The following HPSE2 variants were observed in gnomAD, a reference collection of about 807,000 sequenced individuals.
HPSE2 encodes heparanase 2 (inactive).
HPSE2 carries 38 observed loss-of-function variants against 60.5 expected under a neutral mutation model. The observed-to-expected ratio is 0.63, with a 90% confidence interval of 0.48 to 0.82. The LOEUF is 0.82. Among genes scored for constraint, HPSE2 ranks in the 40% least tolerant of loss-of-function variants. The pLI is 0.00. For missense variants in HPSE2, 713 were observed against 740.4 expected, an observed-to-expected ratio of 0.96 and a Z score of 0.43; for synonymous variants, 295 against 293.2, an observed-to-expected ratio of 1.01 and a Z score of -0.06.
intron 3 of HPSE2, among the ~76,000 whole-genome samples, chr10:99,006,412 C>T (rs978189282): frequency 6.6e-6 from 1 of 152,136 alleles, no homozygotes; most frequent in African/African-American, 2.4e-5. Flanking sequence ...AGCCTATATC[C>T]ACAGGATCTT....
intron 5 of HPSE2, among the ~76,000 whole-genome samples, chr10:98,714,923 CCTAACAA>C (rs1296136519): frequency 6.6e-6 from 1 of 151,670 alleles, no homozygotes; most frequent in Non-Finnish European, 1.5e-5. Flanking sequence ...TTAGCATTTC[CCTAACAA>C]CTAACAATGT....
chr10:98,481,608 G>A (rs574819035), intron 11 of HPSE2, among the ~76,000 whole-genome samples: 27 of 152,268 alleles, frequency 1.8e-4, no homozygotes, highest in African/African-American at 1.2e-4. Context: ...AAGATCTAGC[G>A]TGGGCTAAAT....
At position 98,946,091 on chromosome 10, in the gene HPSE2, A is replaced by C. The variant is rs551734526; in HGVS notation, c.610+198147T>G. On this transcript the variant is annotated intron_variant, in intron 3 of 11. Coordinates refer to ENST00000370552, the MANE Select transcript of HPSE2 (RefSeq NM_021828.5). ...AGGAAAAGGTTGTGATGAGCACATA[A>C]AATATGTATAACTATAGTCTACTTT... 2.6e-5 allele frequency among the ~76,000 whole-genome samples: 4 copies of C among 152,296 alleles called. No homozygotes were observed. In the East Asian group the frequency reaches 7.7e-4, roughly 29 times the overall value.
At position 99,232,511 on chromosome 10, in the gene HPSE2, G is replaced by C; in HGVS notation, c.291-6C>G. The C allele has an allele frequency of 1.3e-6, 2 of 1,552,258 alleles. No homozygotes were observed. Among genetic ancestry groups the C allele is most frequent in the East Asian group, 4.9e-5 (2 of 41,168 alleles). On this transcript the variant is annotated splice_region_variant and splice_polypyrimidine_tract_variant and intron_variant, in intron 1 of 11. Coordinates refer to ENST00000370552, the MANE Select transcript of HPSE2 (RefSeq NM_021828.5). The stretch of plus-strand genomic sequence containing the variant: ...GGGTCACCAAGCGCTTGGAGCTGCA[G>C]AGGAAGAGAATAAGAGAGGAAAGGT...
At chr10:99,242,084 ATAGGC>A in the HPSE2 span, among the ~76,000 whole-genome samples, 1 of 152,240 alleles carries the variant, frequency 6.6e-6, no homozygotes, top group Admixed American at 6.5e-5. Flanking sequence ...GAAAACAGGA[ATAGGC>A]AAAGGACAGT....
chr10:98,975,397 T>C (rs553575896), intron 3 of HPSE2, among the ~76,000 whole-genome samples: 66 of 152,238 alleles, frequency 4.3e-4, no homozygotes, highest in African/African-American at 1.6e-3. Flanking sequence ...GGCATGGAAA[T>C]TCAACTTGAG....
At chr10:98,995,615 T>C (rs1334122946) in intron 3 of HPSE2, among the ~76,000 whole-genome samples, 1 of 152,152 alleles carries the variant, frequency 6.6e-6, no homozygotes, top group African/African-American at 2.4e-5. Context: ...AAGATAAATA[T>C]TCTATTCACT....
At chr10:99,203,785 G>A (rs1417549336) in intron 2 of HPSE2, among the ~76,000 whole-genome samples, 1 of 151,646 alleles carries the variant, frequency 6.6e-6, no homozygotes, top group African/African-American at 2.4e-5. Flanking sequence ...CAGGCTCCAA[G>A]GCCAGCACCC....
intron 2 of HPSE2, among the ~76,000 whole-genome samples, chr10:99,152,846 C>CACCTCACTAGGGAGTGCCA (rs1208070650): frequency 6.6e-6 from 1 of 152,210 alleles, no homozygotes; most frequent in African/African-American, 2.4e-5. Context: ...GTACCGGGTT[C>CACCTCACTAGGGAGTGCCA]ACCTCACTAG....
chr10:99,131,973 G>T (rs1845403109), intron 3 of HPSE2, among the ~76,000 whole-genome samples: 1 of 151,652 alleles, frequency 6.6e-6, no homozygotes, highest in South Asian at 2.1e-4. Flanking sequence ...TTAGCCAGAT[G>T]TGGTGGCACA....
chr10:98,771,611 G>A (rs1485331045), intron 3 of HPSE2, among the ~76,000 whole-genome samples: 2 of 152,178 alleles, frequency 1.3e-5, no homozygotes, highest in East Asian at 3.9e-4. Flanking sequence ...TAGCTAAGAT[G>A]TATCAATAGG....
In HPSE2 at chr10:98,622,917, A is replaced by G. The variant is rs555722951; in HGVS notation, c.1099-2209T>C. ...AAAATGCCTTAAATAATCAAAAGACACATCCATATGGCCAGATTAAAGGAC... is the reference window on the plus strand; with the variant it reads ...AAAATGCCTTAAATAATCAAAAGACGCATCCATATGGCCAGATTAAAGGAC... On this transcript the variant is annotated intron_variant, in intron 7 of 11. Coordinates refer to ENST00000370552, the MANE Select transcript of HPSE2 (RefSeq NM_021828.5). 2.0e-5 allele frequency among the ~76,000 whole-genome samples: 3 copies of G among 152,330 alleles called. No homozygotes were observed. In the East Asian group the frequency reaches 5.8e-4, roughly 29 times the overall value.
chr10:98,811,996 CT>C (rs1951178960), intron 3 of HPSE2, among the ~76,000 whole-genome samples: 1 of 151,976 alleles, frequency 6.6e-6, no homozygotes, highest in South Asian at 2.1e-4. Flanking sequence ...AAATACAATT[CT>C]TTTTATTGAT....
At chr10:99,224,180 C>A (rs1057250228) in intron 2 of HPSE2, among the ~76,000 whole-genome samples, 5 of 152,102 alleles carry the variant, frequency 3.3e-5, no homozygotes, top group Non-Finnish European at 7.4e-5. Context: ...ATTACACTGT[C>A]TTTCACCATA....
upstream of HPSE2, among the ~76,000 whole-genome samples, chr10:99,239,241 C>T (rs1047166619): frequency 2.6e-5 from 4 of 151,934 alleles, no homozygotes; most frequent in African/African-American, 7.3e-5. Context: ...TCCTTGGAAA[C>T]GCTCTGCTTA....
At chr10:99,214,155 A>T (rs1405365525) in intron 2 of HPSE2, among the ~76,000 whole-genome samples, 1 of 152,210 alleles carries the variant, frequency 6.6e-6, no homozygotes, top group East Asian at 1.9e-4. Context: ...CCATGATGAG[A>T]TACCATTTCA....
chr10:99,177,962 G>A (rs1847596370), intron 2 of HPSE2, among the ~76,000 whole-genome samples: 1 of 151,920 alleles, frequency 6.6e-6, no homozygotes, highest in East Asian at 1.9e-4. Flanking sequence ...TCAGGATTAA[G>A]AACTCACTGA....
At chr10:99,101,059 G>A (rs1022610412) in intron 3 of HPSE2, among the ~76,000 whole-genome samples, 5 of 152,094 alleles carry the variant, frequency 3.3e-5, no homozygotes, top group African/African-American at 1.2e-4. Flanking sequence ...GACCATCGAG[G>A]CTAGGAAGCA....
At chr10:98,994,469 CCCT>C (rs1956598863) in intron 3 of HPSE2, among the ~76,000 whole-genome samples, 5 of 151,810 alleles carry the variant, frequency 3.3e-5, no homozygotes, top group African/African-American at 1.2e-4. Flanking sequence ...GAGAATGGGA[CCCT>C]TCCCAAACAG....
Sources: allele counts gnomAD v4.1 joint callset (sites outside exome capture counted in the v4.1 genomes callset), GRCh38; gene constraint gnomAD v4.1.1; transcripts MANE v1.5; gene names NCBI Gene and HGNC (gene_info 2026-07-23, HGNC 2026-07-21).